Variants in ARHGAP29 observed in about 807,000 individuals in gnomAD.
ARHGAP29 encodes the protein Rho GTPase activating protein 29.
ARHGAP29 carries 43 observed loss-of-function variants against 122.6 expected under a neutral mutation model. The observed-to-expected ratio is 0.35, with a 90% CI of 0.27 to 0.45. ARHGAP29 has a LOEUF of 0.45. ARHGAP29 is among the 20% of genes least tolerant of loss of function. The pLI is 1.00. For synonymous variants in ARHGAP29, 506 were observed against 497.1 expected, an observed-to-expected ratio of 1.02 and a Z score of -0.24; for missense variants, 1,303 against 1,477.2, an observed-to-expected ratio of 0.88 and a Z score of 1.93.
At chr1:94,311,209 G>A in the ARHGAP29 span, among the ~76,000 whole-genome samples, 3 of 152,162 alleles carry the variant, frequency 2.0e-5, no homozygotes, top group Admixed American at 1.3e-4. Flanking sequence ...TCTAATTCTG[G>A]TATTCAGTAA....
the ARHGAP29 span, among the ~76,000 whole-genome samples, chr1:94,312,527 G>T: frequency 4.0e-4 from 61 of 151,264 alleles, no homozygotes; most frequent in African/African-American, 1.4e-3. Context: ...TGCCTCCCAG[G>T]TTTAAGTGAT....
At chr1:94,195,517 C>T (rs1053289232) in intron 12 of ARHGAP29, 1 of 151,978 alleles carries the variant, frequency 6.6e-6, no homozygotes, top group Non-Finnish European at 1.5e-5. Context: ...TAATAAAAAA[C>T]CCAGTAGACA....
At chr1:94,177,575 G>T in intron 22 of ARHGAP29, 37 bp downstream of exon 22, 1 of 1,524,194 alleles carries the variant, frequency 6.6e-7, no homozygotes, top group Non-Finnish European at 9.0e-7. Flanking sequence ...AAAATTTTAA[G>T]CCAGCAAACA....
the ARHGAP29 span, among the ~76,000 whole-genome samples, chr1:94,295,512 C>G: frequency 6.6e-6 from 1 of 151,254 alleles, no homozygotes; most frequent in African/African-American, 2.4e-5. Context: ...AGAAATGGAG[C>G]GATTCTAATT....
chr1:94,270,757 C>T (rs773105285), intron 1 of ARHGAP29, among the ~76,000 whole-genome samples: 5 of 152,162 alleles, frequency 3.3e-5, no homozygotes, highest in East Asian at 1.9e-4. Flanking sequence ...ATAGCAGCTT[C>T]CTTACTGCTA....
At chr1:94,263,588 A>G (rs1654643638) in intron 1 of ARHGAP29, among the ~76,000 whole-genome samples, 1 of 152,136 alleles carries the variant, frequency 6.6e-6, no homozygotes, top group African/African-American at 2.4e-5. Flanking sequence ...TTTACATAAT[A>G]TGTTTATATT....
chr1:94,274,803 G>A (rs536250451), intron 1 of ARHGAP29, among the ~76,000 whole-genome samples: 1 of 152,320 alleles, frequency 6.6e-6, no homozygotes, highest in Admixed American at 6.5e-5. Context: ...AACAGCTGGA[G>A]CATGGCTTCA....
chr1:94,252,074 A>G lies in ARHGAP29; in HGVS notation c.-32-20431T>C, dbSNP rs371159999. Among the ~76,000 whole-genome samples the G allele has an allele frequency of 7.2e-5, 11 of 152,356 alleles. No individual in the cohort carries two copies. In the East Asian group the frequency reaches 9.6e-4, roughly 13 times the overall value. Reference sequence around the variant, plus strand: ...TACAATATATCCAAACATTAGAGTTATCTTTTGAAAAGATTAATTTGTTAA... The same window carrying G: ...TACAATATATCCAAACATTAGAGTTGTCTTTTGAAAAGATTAATTTGTTAA... On this transcript the variant is annotated intron_variant and NMD_transcript_variant, in intron 1 of 25. Transcript: ENST00000552844.
chr1:94,178,299 A>C (rs1649236588), intron 20 of ARHGAP29, 132 bp from the exon 21 acceptor site: 1 of 789,300 alleles, frequency 1.3e-6, no homozygotes, highest in Admixed American at 2.9e-5. Flanking sequence ...AGTCTAGGAA[A>C]AGGTTATATT....
chr1:94,287,434 G>C, the ARHGAP29 span, among the ~76,000 whole-genome samples: 12 of 152,100 alleles, frequency 7.9e-5, no homozygotes, highest in African/African-American at 2.9e-4. Context: ...CTTCCACCAT[G>C]ATTGTAAGTT....
the ARHGAP29 span, among the ~76,000 whole-genome samples, chr1:94,287,975 G>A: frequency 6.6e-6 from 1 of 152,108 alleles, no homozygotes; most frequent in South Asian, 2.1e-4. Context: ...GTGTACATGT[G>A]CCTTTATAGT....
At chr1:94,207,301 C>A (rs116556693) in intron 5 of ARHGAP29, among the ~76,000 whole-genome samples, 2 of 151,984 alleles carry the variant, frequency 1.3e-5, no homozygotes, top group Admixed American at 6.5e-5. Flanking sequence ...AGCCACCATG[C>A]CCTATTATTT....
rs1271913531 is a variant in ARHGAP29 at position 94,169,749 on chromosome 1, T to G, written c.*4120A>C. Among the ~76,000 whole-genome samples, 2 of 151,860 alleles carry G rather than the reference T, an allele frequency of 1.3e-5. No homozygotes were observed. Among genetic ancestry groups the G allele is most frequent in the Non-Finnish European group, 2.9e-5 (2 of 67,978 alleles). ...GGGCTCCTTGGAAAAAAGGGCTAAT[T>G]CTAGACTTGGGGTAGGGAGTAGGAA... On this transcript the variant is annotated 3_prime_UTR_variant, in exon 23 of 23. Coordinates refer to ENST00000260526, the MANE Select transcript of ARHGAP29 (RefSeq NM_004815.4).
chr1:94,237,182 C>A (rs1653330169), intron 1 of ARHGAP29, among the ~76,000 whole-genome samples: 1 of 152,214 alleles, frequency 6.6e-6, no homozygotes, highest in African/African-American at 2.4e-5. Flanking sequence ...CTCCCCAGCT[C>A]GTCCGCGCCT....
chr1:94,252,343 G>A (rs560441635), intron 1 of ARHGAP29, among the ~76,000 whole-genome samples: 4 of 152,304 alleles, frequency 2.6e-5, no homozygotes, highest in East Asian at 1.9e-4. Context: ...AAGGAAGAAC[G>A]CTTCTTCCAA....
intron 1 of ARHGAP29, among the ~76,000 whole-genome samples, chr1:94,269,041 A>AT (rs1018955688): frequency 2.6e-5 from 4 of 152,100 alleles, no homozygotes; most frequent in African/African-American, 9.7e-5. Context: ...ACAGCATAGT[A>AT]TTTTTTTCCT....
At chr1:94,196,270 T>TC (rs1650458282) in intron 12 of ARHGAP29, among the ~76,000 whole-genome samples, 1 of 141,422 alleles carries the variant, frequency 7.1e-6, no homozygotes, top group Non-Finnish European at 1.5e-5. Context: ...TTTTTTTTTT[T>TC]TTTTTTTTTG....
the ARHGAP29 span, among the ~76,000 whole-genome samples, chr1:94,292,425 T>C: frequency 6.6e-6 from 1 of 152,128 alleles, no homozygotes; most frequent in African/African-American, 2.4e-5. Flanking sequence ...GAGAAGTTTG[T>C]TATTACTGAC....
chr1:94,195,485 A>T (rs1290857051), intron 12 of ARHGAP29: 1 of 152,200 alleles, frequency 6.6e-6, no homozygotes, highest in Non-Finnish European at 1.5e-5. Context: ...CCAATTTTTT[A>T]AAAAAGGTAT....
Sources: gnomAD v4.1 joint callset for allele counts (sites outside exome capture counted in the v4.1 genomes callset) on GRCh38, gnomAD v4.1.1 for gene constraint, MANE v1.5 for transcripts, NCBI Gene and HGNC (gene_info 2026-07-23, HGNC 2026-07-21) for gene names.